CNTNAP2: variants seen among roughly 807,000 people sequenced by gnomAD.
CNTNAP2 encodes contactin associated protein 2, also known as contactin-associated protein-like 2.
A neutral mutation model predicts 155.2 loss-of-function variants in CNTNAP2; 98 were observed. That is an observed-to-expected ratio of 0.63 (90% CI 0.54 to 0.75). The LOEUF is 0.75. CNTNAP2 is among the 30% of genes least tolerant of loss of function. CNTNAP2 has a pLI of 0.00. For missense variants in CNTNAP2, 1,727 were observed against 1,688.1 expected (o/e 1.02, Z -0.40); for synonymous variants, 651 against 631.2 (o/e 1.03, Z -0.47).
chr7:147,136,211 A>T (rs1584748416), intron 8 of CNTNAP2, among the ~76,000 whole-genome samples: 2 of 152,052 alleles, frequency 1.3e-5, no homozygotes, highest in Middle Eastern at 6.8e-3. Context: ...ATTCTCTCTC[A>T]GTTATTGGAA....
chr7:148,305,672 G>C (rs906080895), intron 21 of CNTNAP2, among the ~76,000 whole-genome samples: 4 of 152,228 alleles, frequency 2.6e-5, no homozygotes, highest in Non-Finnish European at 4.4e-5. Flanking sequence ...AAGCGAGTGA[G>C]CTGGGATCTG....
chr7:146,575,061 G>C (rs1031622484), intron 1 of CNTNAP2, among the ~76,000 whole-genome samples: 1 of 152,120 alleles, frequency 6.6e-6, no homozygotes, highest in African/African-American at 2.4e-5. Flanking sequence ...TAAAAAGTTA[G>C]AACCCCAAAA....
chr7:147,949,440 G>GTATATATATTTATATATATATATATA (rs1554453478), intron 14 of CNTNAP2, among the ~76,000 whole-genome samples: 1 of 127,366 alleles, frequency 7.9e-6, no homozygotes, highest in Non-Finnish European at 1.7e-5. Flanking sequence ...TCAACTGTGT[G>GTATATATATTTATATATATATATATA]TATATATATA....
chr7:146,707,017 T>C (rs1291890828), intron 1 of CNTNAP2, among the ~76,000 whole-genome samples: 1 of 151,858 alleles, frequency 6.6e-6, no homozygotes, highest in African/African-American at 2.4e-5. Context: ...CCCAGCAAAA[T>C]GCACTTTGGC....
At chr7:146,956,243 T>C (rs1230772883) in intron 3 of CNTNAP2, among the ~76,000 whole-genome samples, 1 of 152,164 alleles carries the variant, frequency 6.6e-6, no homozygotes, top group African/African-American at 2.4e-5. Context: ...AGAGATATTC[T>C]GCACTGACCT....
chr7:148,007,511 A>G (rs967659078), intron 15 of CNTNAP2, among the ~76,000 whole-genome samples: 1 of 152,132 alleles, frequency 6.6e-6, no homozygotes, highest in African/African-American at 2.4e-5. Context: ...TGAAAATGAA[A>G]TCTTTCACCA....
At chr7:147,593,965 A>G (rs1260795381) in intron 12 of CNTNAP2, among the ~76,000 whole-genome samples, 1 of 152,168 alleles carries the variant, frequency 6.6e-6, no homozygotes, top group Non-Finnish European at 1.5e-5. Context: ...AGCTTCACGA[A>G]GTAGGCAGGC....
intron 9 of CNTNAP2, among the ~76,000 whole-genome samples, chr7:147,334,589 A>T (rs1054982536): frequency 2.6e-5 from 4 of 152,164 alleles, no homozygotes; most frequent in African/African-American, 9.6e-5. Flanking sequence ...ACAAGACTAG[A>T]AGTGAACTGA....
At chr7:146,944,876 TAA>T (rs926343251) in intron 3 of CNTNAP2, among the ~76,000 whole-genome samples, 7 of 141,530 alleles carry the variant, frequency 4.9e-5, no homozygotes, top group African/African-American at 7.8e-5. Flanking sequence ...AGACTCCGTC[TAA>T]AAAAAAAAAA....
At chr7:147,109,560 A>T (rs1800832642) in intron 5 of CNTNAP2, among the ~76,000 whole-genome samples, 1 of 152,122 alleles carries the variant, frequency 6.6e-6, no homozygotes, top group Admixed American at 6.5e-5. Context: ...TGAGTAGGAG[A>T]AAATGAAGAA....
At chr7:146,155,133 A>G (rs1267628404) in intron 1 of CNTNAP2, among the ~76,000 whole-genome samples, 1 of 152,250 alleles carries the variant, frequency 6.6e-6, no homozygotes, top group East Asian at 1.9e-4. Flanking sequence ...TAATTTGTGA[A>G]AAGATACAAA....
chr7:146,197,158 C>A (rs1584797673), intron 1 of CNTNAP2, among the ~76,000 whole-genome samples: 1 of 152,038 alleles, frequency 6.6e-6, no homozygotes, highest in East Asian at 1.9e-4. Context: ...CATAAACTAG[C>A]ATTTTTTTAC....
At chr7:146,215,448 G>A (rs1562992937) in intron 1 of CNTNAP2, among the ~76,000 whole-genome samples, 2 of 151,872 alleles carry the variant, frequency 1.3e-5, no homozygotes, top group Non-Finnish European at 2.9e-5. Context: ...AAGGAAATTC[G>A]AAACCATCAT....
At chr7:148,260,836 A>T (rs1226577260) in intron 20 of CNTNAP2, among the ~76,000 whole-genome samples, 7 of 152,232 alleles carry the variant, frequency 4.6e-5, no homozygotes, top group African/African-American at 1.7e-4. Flanking sequence ...GCCAATGTTT[A>T]CAGGCATGTG....
At chr7:146,619,240 A>G (rs1038198855) in intron 1 of CNTNAP2, among the ~76,000 whole-genome samples, 1 of 152,158 alleles carries the variant, frequency 6.6e-6, no homozygotes, top group Non-Finnish European at 1.5e-5. Context: ...AATATTCTTT[A>G]CAACATTTGT....
intron 9 of CNTNAP2, among the ~76,000 whole-genome samples, chr7:147,303,377 C>G (rs536838408): frequency 3.4e-4 from 52 of 152,224 alleles, no homozygotes; most frequent in African/African-American, 1.1e-3. Context: ...AGAGTCACCC[C>G]CTCTGGTGTG....
intron 1 of CNTNAP2, among the ~76,000 whole-genome samples, chr7:146,212,116 A>G (rs907751627): frequency 1.3e-5 from 2 of 152,334 alleles, no homozygotes; most frequent in South Asian, 2.1e-4. Flanking sequence ...CAGGATATAT[A>G]GTTTAATATA....
intron 3 of CNTNAP2, among the ~76,000 whole-genome samples, chr7:147,019,420 CA>C (rs1238262518): frequency 2.6e-5 from 4 of 151,690 alleles, no homozygotes; most frequent in Non-Finnish European, 5.9e-5. Flanking sequence ...AATAATTCCC[CA>C]AAAAAGCAAA....
chr7:147,217,290 T>C (rs376687515), intron 8 of CNTNAP2, among the ~76,000 whole-genome samples: 6 of 152,122 alleles, frequency 3.9e-5, no homozygotes, highest in African/African-American at 1.4e-4. Context: ...GTAGATTTTT[T>C]GTAGATATTC....
Sources: allele counts gnomAD v4.1 joint callset (sites outside exome capture counted in the v4.1 genomes callset), GRCh38; gene constraint gnomAD v4.1.1; transcripts MANE v1.5; gene names NCBI Gene and HGNC (gene_info 2026-07-23, HGNC 2026-07-21).